The following PCDHGA2 variants were observed in gnomAD, a reference collection of about 807,000 sequenced individuals.
The protein encoded by PCDHGA2 is protocadherin gamma subfamily A, 2.
PCDHGA2 carries 40 observed loss-of-function variants against 59.2 expected under a neutral mutation model. That is an observed-to-expected ratio of 0.68 (90% CI 0.52 to 0.88). The LOEUF (loss-of-function observed/expected upper bound fraction) is 0.88, where lower values mean the gene tolerates loss of function less well. Among genes scored for constraint, PCDHGA2 ranks in the 40% least tolerant of loss-of-function variants. The pLI is 0.00. For missense variants in PCDHGA2, 1,226 were observed against 1,204.0 expected, an observed-to-expected ratio of 1.02 and a Z score of -0.27; for synonymous variants, 560 against 526.0, an observed-to-expected ratio of 1.06 and a Z score of -0.89.
At chr5:141,388,674 G>A in intron 1 of PCDHGA2, 2 of 1,613,940 alleles carry the variant, frequency 1.2e-6, no homozygotes, top group Non-Finnish European at 8.5e-7. Context: ...GGTGCTACAG[G>A]TGACTGCCAC....
intron 1 of PCDHGA2, chr5:141,428,236 G>T: frequency 5.8e-6 from 6 of 1,027,096 alleles, no homozygotes; most frequent in Non-Finnish European, 8.9e-6. Flanking sequence ...CAGCCTGCAG[G>T]AGGCACTGCC....
At chr5:141,375,793 C>T (rs761231690) in intron 1 of PCDHGA2, 4 of 1,614,110 alleles carry the variant, frequency 2.5e-6, no homozygotes, top group East Asian at 4.5e-5. Context: ...TCCCCACAGA[C>T]GGTTCCACTG....
intron 1 of PCDHGA2, chr5:141,361,515 C>A: frequency 6.2e-7 from 1 of 1,614,040 alleles, no homozygotes; most frequent in South Asian, 1.1e-5. Context: ...ACATGGTTCA[C>A]GTGGCAGAGA....
intron 1 of PCDHGA2, chr5:141,441,986 C>A (rs2098288559): frequency 1.1e-5 from 3 of 269,098 alleles, no homozygotes; most frequent in South Asian, 7.5e-5. Context: ...GAATGCGCAC[C>A]GACGAGGTGC....
intron 2 of PCDHGA2, 143 bp downstream of exon 2, chr5:141,495,008 G>A (rs2099758236): frequency 6.6e-7 from 1 of 1,521,900 alleles, no homozygotes; most frequent in Non-Finnish European, 8.8e-7. Context: ...TGGTGTGCGG[G>A]GGGCTGGCAC....
chr5:141,365,891 G>C, intron 1 of PCDHGA2: 1 of 1,614,136 alleles, frequency 6.2e-7, no homozygotes, highest in Non-Finnish European at 8.5e-7. Flanking sequence ...GAGATCCTTC[G>C]ACTATGAGCA....
chr5:141,493,962 T>C lies in PCDHGA2; in HGVS notation c.2425-845T>C, dbSNP rs550317675. 6.6e-6 allele frequency among the ~76,000 whole-genome samples: 1 copy of C among 152,320 alleles called. No homozygotes were observed. Among genetic ancestry groups the C allele is most frequent in the African/African-American group, 2.4e-5 (1 of 41,578 alleles). ...AGAAGGGACTCAGGAATGAAGTGGC[T>C]GGCCAGAGCCCCACACCTTCAGCTA... is the stretch of plus-strand genomic sequence containing the variant. On this transcript the variant is annotated intron_variant, in intron 1 of 3. Coordinates refer to ENST00000394576, the MANE Select transcript of PCDHGA2 (RefSeq NM_018915.4). This position sits in a 1 kb window ranked among gnomAD's most constrained non-coding sequence, Gnocchi z 4.3.
At chr5:141,419,600 G>A (rs1304962440) in intron 1 of PCDHGA2, 3 of 1,611,816 alleles carry the variant, frequency 1.9e-6, no homozygotes, top group Non-Finnish European at 2.5e-6. Context: ...AGTGCCGCGG[G>A]CCGCGCAGCC....
intron 1 of PCDHGA2, chr5:141,404,933 A>C (rs2094586796): frequency 6.2e-7 from 1 of 1,613,764 alleles, no homozygotes; most frequent in Non-Finnish European, 8.5e-7. Flanking sequence ...TGTCACGCTC[A>C]CAGTAGCCAT....
chr5:141,413,212 G>C, intron 1 of PCDHGA2: 2 of 1,613,268 alleles, frequency 1.2e-6, no homozygotes, highest in Middle Eastern at 1.7e-4. Flanking sequence ...GGAATCAAAG[G>C]ATTGCAGCGG....
chr5:141,465,519 T>C (rs2099104752), intron 1 of PCDHGA2, among the ~76,000 whole-genome samples: 1 of 152,224 alleles, frequency 6.6e-6, no homozygotes, highest in East Asian at 1.9e-4. Context: ...GGAAGGATTC[T>C]GGGGAAGTTT....
intron 1 of PCDHGA2, chr5:141,366,786 AT>A (rs770117730): frequency 6.3e-7 from 1 of 1,575,572 alleles, no homozygotes; most frequent in Non-Finnish European, 8.6e-7. Flanking sequence ...TGACCAGAAC[AT>A]TTTCATTTGT....
chr5:141,362,316 T>G (rs1561526440), intron 1 of PCDHGA2: 1 of 1,614,050 alleles, frequency 6.2e-7, no homozygotes, highest in South Asian at 1.1e-5. Context: ...GGGACTGTTT[T>G]CAGCCTGGTC....
chr5:141,500,309 C>T (rs777434466), intron 2 of PCDHGA2, among the ~76,000 whole-genome samples: 2 of 151,602 alleles, frequency 1.3e-5, no homozygotes, highest in Non-Finnish European at 2.9e-5. Flanking sequence ...CCCAGGTTCA[C>T]GCCATGCTCC....
rs917165100 is a variant in PCDHGA2, at chr5:141,442,878, C to T, written c.2425-51929C>T. Among the ~76,000 whole-genome samples, 6 of 152,178 alleles carry T rather than the reference C, an allele frequency of 3.9e-5. No homozygotes were observed. In the South Asian group the frequency reaches 8.3e-4, roughly 21 times the overall value. The stretch of plus-strand genomic sequence containing the variant: ...GTATGAGAGATGTAAATTTACAACT[C>T]AGAATCCCTGCTTATCACTTCTCCT... On this transcript the variant is annotated intron_variant, in intron 1 of 3. Coordinates refer to ENST00000394576, the MANE Select transcript of PCDHGA2 (RefSeq NM_018915.4).
At chr5:141,452,281 T>G (rs948141174) in intron 1 of PCDHGA2, among the ~76,000 whole-genome samples, 2 of 152,232 alleles carry the variant, frequency 1.3e-5, no homozygotes, top group Non-Finnish European at 2.9e-5. Flanking sequence ...CCTTTCTTAC[T>G]TTCTGATATA....
rs749514405 is a variant in PCDHGA2, at chr5:141,361,238, T to A, written c.2424+19843T>A. The A allele has an allele frequency of 1.9e-6, 3 of 1,613,980 alleles. No individual in the cohort carries two copies. The Admixed American group carries it at 5.0e-5, about 27-fold the overall frequency. ...TCGCCACCAGGAACAGTGATCGCCT[T>A]GATAAAAACGAGAGACAGAGACTCT... is the stretch of plus-strand genomic sequence containing the variant. On this transcript the variant is annotated intron_variant, in intron 1 of 3. Coordinates refer to ENST00000394576, the MANE Select transcript of PCDHGA2 (RefSeq NM_018915.4).
At chr5:141,436,104 G>A (rs368559994) in intron 1 of PCDHGA2, among the ~76,000 whole-genome samples, 10 of 152,086 alleles carry the variant, frequency 6.6e-5, no homozygotes, top group East Asian at 3.9e-4. Flanking sequence ...AGAAATAGAG[G>A]ACAATGAAAC....
chr5:141,408,782 T>G (rs1561715407), intron 1 of PCDHGA2: 1 of 1,612,108 alleles, frequency 6.2e-7, no homozygotes, highest in East Asian at 2.2e-5. Flanking sequence ...ATACCCAGAG[T>G]TATCTCTGGA....
Sources: gnomAD v4.1 joint callset for allele counts (sites outside exome capture counted in the v4.1 genomes callset) on GRCh38, gnomAD v4.1.1 for gene constraint, Gnocchi (gnomAD v3.1) non-coding constraint, MANE v1.5 for transcripts, NCBI Gene and HGNC (gene_info 2026-07-23, HGNC 2026-07-21) for gene names.